ITGAL: variants seen among roughly 807,000 people sequenced by gnomAD.
ITGAL encodes the protein integrin subunit alpha L, also known as integrin alpha-L.
In ITGAL, 68 loss-of-function variants were observed where a neutral mutation model predicts 138.4. The observed-to-expected ratio is 0.49, with a 90% CI of 0.40 to 0.60. ITGAL has a LOEUF of 0.60. Ranked by LOEUF, ITGAL falls within the 20% of genes least tolerant of loss-of-function variation. The probability of loss-of-function intolerance (pLI) is 0.00; values close to 1 mark genes in which losing one functional copy is unlikely to be tolerated. For missense variants in ITGAL, 1,256 were observed against 1,478.6 expected (o/e 0.85, Z 2.47); for synonymous variants, 561 against 584.3 (o/e 0.96, Z 0.57).
At chr16:30,514,372 G>A (rs1197934232) in intron 25 of ITGAL, among the ~76,000 whole-genome samples, 1 of 151,644 alleles carries the variant, frequency 6.6e-6, no homozygotes, top group Non-Finnish European at 1.5e-5. Flanking sequence ...CGCCTCCTGA[G>A]TTCAAGCCAT....
At chr16:30,474,462 G>A (rs947380558) in intron 2 of ITGAL, 164 bp downstream of exon 2, 6 of 605,900 alleles carry the variant, frequency 9.9e-6, no homozygotes, top group Non-Finnish European at 1.5e-5. Flanking sequence ...AGAGACAGGA[G>A]TGAGGGATCA....
chr16:30,484,514 G>A (rs539679254), intron 9 of ITGAL, among the ~76,000 whole-genome samples: 85 of 151,854 alleles, frequency 5.6e-4, no homozygotes, highest in African/African-American at 2.0e-3. Context: ...AGGCTGAGGC[G>A]CAAGAATCGC....
intron 15 of ITGAL, among the ~76,000 whole-genome samples, chr16:30,496,857 C>G (rs896074061): frequency 3.3e-5 from 5 of 150,244 alleles, no homozygotes; most frequent in African/African-American, 4.9e-5. Flanking sequence ...GTTGCCCCAG[C>G]TGGTCTCAAA....
At position 30,517,915 on chromosome 16, in the gene ITGAL, G is replaced by A. The variant is rs774913410; in HGVS notation, c.3132+20G>A. On this transcript the variant is annotated intron_variant, in intron 28 of 30. Transcript: ENST00000356798. ...ATCGAGGTAGTCCCCGCTCCTAAGA[G>A]ATGTGGAGCTGCTGTGGGGGCCCCA... 2.5e-6 allele frequency: 4 copies of A among 1,608,782 alleles called. No individual in the cohort carries two copies. In the South Asian group the frequency reaches 3.3e-5, roughly 13 times the overall value.
intron 29 of ITGAL, among the ~76,000 whole-genome samples, chr16:30,518,925 G>A (rs982314656): frequency 6.6e-6 from 1 of 152,054 alleles, no homozygotes; most frequent in Admixed American, 6.6e-5. Flanking sequence ...CTTATGTGTC[G>A]AGTAAAGTTC....
rs745426998 is a variant in ITGAL, at chr16:30,517,892, C to T, written c.3129C>T (p.Ile1043=). The change falls in exon 28 of 31, where the codon ATC becomes ATT. Residue 1043 remains isoleucine (I), a synonymous_variant. Coordinates refer to ENST00000356798, the MANE Select transcript of ITGAL (RefSeq NM_002209.3). ...GGACTCTGGAGCTGGTGGGAGAGATCGAGGTAGTCCCCGCTCCTAAGAGAT... is the reference window on the plus strand; with the variant it reads ...GGACTCTGGAGCTGGTGGGAGAGATTGAGGTAGTCCCCGCTCCTAAGAGAT... ...VIGTLELVGE[I]EASSMFSLCS... The T allele has an allele frequency of 1.9e-6, 3 of 1,613,460 alleles. No individual in the cohort carries two copies. Among genetic ancestry groups the T allele is most frequent in the East Asian group, 4.5e-5 (2 of 44,892 alleles).
At position 30,513,772 on chromosome 16, in the gene ITGAL, CAAG is replaced by C; in HGVS notation, c.2793_2795del (p.Glu931del). ...ATCGCTGCCCTTCTCTCTCCGCAGCCAAGAAGACTCCACACTCTATGTCAGTTT... is the reference window on the plus strand; with the variant it reads ...ATCGCTGCCCTTCTCTCTCCGCAGCCAAGACTCCACACTCTATGTCAGTTT... On this transcript the variant is annotated inframe_deletion and splice_region_variant, in exon 25 of 31. Transcript: ENST00000356798. 1 of 1,613,192 alleles carries C rather than the reference CAAG, an allele frequency of 6.2e-7. No homozygotes were observed. Among genetic ancestry groups the C allele is most frequent in the South Asian group, 1.1e-5 (1 of 91,056 alleles).
In ITGAL at chr16:30,519,940, G is replaced by C. The variant is rs977704341; in HGVS notation, c.3312G>C (p.Leu1104=). The C allele has an allele frequency of 4.3e-6, 7 of 1,613,290 alleles. No individual in the cohort carries two copies. In the African/African-American group the frequency reaches 9.3e-5, roughly 22 times the overall value. The stretch of plus-strand genomic sequence containing the variant: ...GCGGCATCGGGGGGCTGCTGCTGCT[G>C]CTGCTCATTTTCATAGTGCTGTACA... ...VLSGIGGLLL[L]LLIFIVLYKV... The change falls in exon 30 of 31, where the codon CTG becomes CTC. Residue 1104 remains leucine, a synonymous_variant. Transcript: ENST00000356798.
intron 18 of ITGAL, 103 bp from the exon 19 acceptor site, chr16:30,505,141 A>G: frequency 1.7e-6 from 2 of 1,163,520 alleles, no homozygotes; most frequent in Non-Finnish European, 2.3e-6. Context: ...AACCACAGCC[A>G]GCCCAGTTGA....
rs1161233821 is a variant in ITGAL at position 30,476,260 on chromosome 16, A to G, written c.327+680A>G. 2.0e-5 allele frequency among the ~76,000 whole-genome samples: 3 copies of G among 152,094 alleles called. No individual in the cohort carries two copies. The East Asian group carries it at 5.8e-4, about 29-fold the overall frequency. ...AGTGAAATTCCGTTTCAAAAAAAAA[A>G]AAAGAATCTTCCTGCCTCAGCTTCC... On this transcript the variant is annotated intron_variant, in intron 4 of 30. Coordinates refer to ENST00000356798, the MANE Select transcript of ITGAL (RefSeq NM_002209.3).
chr16:30,518,805 C>T, intron 29 of ITGAL, 86 bp downstream of exon 29: 1 of 1,006,378 alleles, frequency 9.9e-7, no homozygotes, highest in East Asian at 2.4e-5. Context: ...GGGAGAGCTC[C>T]TGGGCTCTGT....
At chr16:30,486,234 C>T (rs964360945) in intron 9 of ITGAL, among the ~76,000 whole-genome samples, 4 of 152,136 alleles carry the variant, frequency 2.6e-5, no homozygotes, top group Non-Finnish European at 5.9e-5. Flanking sequence ...AGCGTGGTGG[C>T]TCACGCTTGT....
intron 17 of ITGAL, among the ~76,000 whole-genome samples, chr16:30,503,523 G>A (rs1025212599): frequency 6.8e-6 from 1 of 146,568 alleles, no homozygotes; most frequent in Non-Finnish European, 1.5e-5. Context: ...AAGGAAGGAA[G>A]GACAACGGAG....
Position 30,494,776 on chromosome 16 carries a change from C to T in ITGAL, c.1429C>T (p.Leu477=), listed in dbSNP as rs746081083. ...CGTGGACCAAGATGGGGAGACAGAG[C>T]TGCTGCTGATTGGTGCCCCACTGTT... ...VDVDQDGETE[L]LLIGAPLFYG... The change falls in exon 13 of 31, where the codon CTG becomes TTG. Residue 477 remains leucine (L), a synonymous_variant. Transcript: ENST00000356798. This position sits in a 1 kb window ranked among gnomAD's most constrained non-coding sequence, Gnocchi z 4.2. 2 of 1,613,536 alleles carry T rather than the reference C, an allele frequency of 1.2e-6. No homozygotes were observed. The highest frequency in any genetic ancestry group is 2.2e-5 in the South Asian group (2 of 91,046).
chr16:30,515,630 C>T (rs1318676533), intron 25 of ITGAL, among the ~76,000 whole-genome samples: 1 of 152,162 alleles, frequency 6.6e-6, no homozygotes, highest in African/African-American at 2.4e-5. Flanking sequence ...ATCCTGGCTC[C>T]CCACATGTCT....
intron 17 of ITGAL, among the ~76,000 whole-genome samples, chr16:30,502,396 CAAAAAAAAAAAAAAAA>C (rs57501055): frequency 0.37 from 30,654 of 82,064 alleles, 5,152 homozygotes; most frequent in South Asian, 0.71. Context: ...GACTCCATCT[CAAAAAAAAAAAAAAAA>C]AAAAAAAAGG....
chr16:30,522,813 G>A lies in ITGAL; in HGVS notation c.*1148G>A, dbSNP rs906095133. On this transcript the variant is annotated 3_prime_UTR_variant, in exon 31 of 31. Coordinates refer to ENST00000356798, the MANE Select transcript of ITGAL (RefSeq NM_002209.3). This position sits in a 1 kb window ranked among gnomAD's most constrained non-coding sequence, Gnocchi z 4.0. ...TAAAAATACAAAATCCAGGCGTGGT[G>A]GCACACACCTGTAGTCCCAGCTACT... 2.0e-5 allele frequency: 3 copies of A among 152,272 alleles called. No individual in the cohort carries two copies. Among genetic ancestry groups the A allele is most frequent in the Admixed American group, 6.5e-5 (1 of 15,272 alleles). The allele number at this position is 152,272 out of a possible 1,614,324, so 9.4% of individuals were successfully genotyped here.
At chr16:30,499,727 A>G (rs867816007) in intron 17 of ITGAL, among the ~76,000 whole-genome samples, 41 of 78,334 alleles carry the variant, frequency 5.2e-4, no homozygotes, top group African/African-American at 1.4e-3. Flanking sequence ...ATATATATAT[A>G]TATATATTTT....
In ITGAL at chr16:30,494,065, A is replaced by G. The variant is rs1227346880; in HGVS notation, c.1214-147A>G. 4.6e-5 allele frequency: 30 copies of G among 652,976 alleles called. No homozygotes were observed. The highest frequency in any genetic ancestry group is 5.3e-6 in the Non-Finnish European group (2 of 379,512). The allele number at this position is 652,976 out of a possible 1,614,324, so 40.4% of individuals were successfully genotyped here. A position where few individuals can be genotyped will look rare whatever the true frequency, so the allele number is the denominator to read the frequency against. Reference sequence around the variant, plus strand: ...GCAGGATTTGTTTGGCTGGGAGCACATGGATGCTTTTCTCAGGAGAAGGTC... The same window carrying G: ...GCAGGATTTGTTTGGCTGGGAGCACGTGGATGCTTTTCTCAGGAGAAGGTC... On this transcript the variant is annotated intron_variant, in intron 11 of 30. Coordinates refer to ENST00000356798, the MANE Select transcript of ITGAL (RefSeq NM_002209.3). This position sits in a 1 kb window ranked among gnomAD's most constrained non-coding sequence, Gnocchi z 4.2.
Sources: gnomAD v4.1 joint callset for allele counts (sites outside exome capture counted in the v4.1 genomes callset) on GRCh38, gnomAD v4.1.1 for gene constraint, Gnocchi (gnomAD v3.1) non-coding constraint, MANE v1.5 for transcripts, NCBI Gene and HGNC (gene_info 2026-07-23, HGNC 2026-07-21) for gene names.